The following MRPL21 variants were observed in gnomAD, a reference collection of about 807,000 sequenced individuals.
MRPL21 encodes the protein mitochondrial ribosomal protein L21.
In MRPL21, 20 loss-of-function variants were observed where a neutral mutation model predicts 27.3. That is an observed-to-expected ratio of 0.73 (90% CI 0.52 to 1.06). The LOEUF is 1.06. Ranked by LOEUF, MRPL21 falls within the 50% of genes least tolerant of loss-of-function variation. The pLI, the probability that MRPL21 is intolerant of heterozygous loss-of-function variation, is 0.00. For synonymous variants in MRPL21, 98 were observed against 101.5 expected, an observed-to-expected ratio of 0.97 and a Z score of 0.21; for missense variants, 249 against 251.4, an observed-to-expected ratio of 0.99 and a Z score of 0.06.
At chr11:68,901,827 C>T (rs1857942945) in intron 1 of MRPL21, among the ~76,000 whole-genome samples, 1 of 152,176 alleles carries the variant, frequency 6.6e-6, no homozygotes, top group African/African-American at 2.4e-5. Flanking sequence ...CACCTCACAC[C>T]TCCAGAGGCT....
At chr11:68,902,862 G>A (rs925868706) in intron 1 of MRPL21, among the ~76,000 whole-genome samples, 1 of 150,366 alleles carries the variant, frequency 6.7e-6, no homozygotes, top group African/African-American at 2.5e-5. Flanking sequence ...CCTTAGATTT[G>A]CCTTTTCCAG....
chr11:68,895,560 G>T lies in MRPL21; in HGVS notation c.396+955C>A, dbSNP rs545518651. On this transcript the variant is annotated intron_variant, in intron 4 of 6. Transcript: ENST00000362034. ...AGCTACTCGGGAGGCTGAGGCAGGA[G>T]AATCACTTGAACCCAGGAGGTGGGG... 2.6e-5 allele frequency among the ~76,000 whole-genome samples: 4 copies of T among 152,288 alleles called. No homozygotes were observed. In the South Asian group the frequency reaches 8.3e-4, roughly 32 times the overall value.
chr11:68,903,812 G>GCCGCCGCCATCTCC lies in MRPL21; in HGVS notation c.-3_-2insGGAGATGGCGGCGG. ...GACCGTCAGGGAAGATGCTGCCATG[G>GCCGCCGCCATCTCC]CCGCAGCCTCGGCCGGAAACGGAAA... On this transcript the variant is annotated 5_prime_UTR_variant, in exon 1 of 7. In the 5' UTR this introduces an upstream ATG that the reference lacks. Coordinates refer to ENST00000362034, the MANE Select transcript of MRPL21 (RefSeq NM_181514.2). 3 of 1,612,214 alleles carry GCCGCCGCCATCTCC rather than the reference G, an allele frequency of 1.9e-6. No homozygotes were observed. The highest frequency in any genetic ancestry group is 2.2e-5 in the South Asian group (2 of 91,050).
At chr11:68,902,576 C>T (rs900911462) in intron 1 of MRPL21, among the ~76,000 whole-genome samples, 19 of 152,286 alleles carry the variant, frequency 1.2e-4, no homozygotes, top group African/African-American at 4.6e-4. Context: ...TGTCCATGTG[C>T]CCACAGCTTC....
intron 2 of MRPL21, among the ~76,000 whole-genome samples, chr11:68,898,764 C>G (rs639083): frequency 0.027 from 4,166 of 152,268 alleles, 205 homozygotes; most frequent in African/African-American, 0.094. Context: ...CCTCCCCACC[C>G]TCAGGATGCC....
intron 4 of MRPL21, 62 bp downstream of exon 4, chr11:68,896,453 C>A: frequency 1.3e-6 from 2 of 1,581,556 alleles, no homozygotes; most frequent in Non-Finnish European, 8.7e-7. Flanking sequence ...TGAGCTGGGG[C>A]GTGGAGATTA....
chr11:68,896,310 G>A (rs533418070), intron 4 of MRPL21, among the ~76,000 whole-genome samples: 1 of 152,286 alleles, frequency 6.6e-6, no homozygotes, highest in South Asian at 2.1e-4. Context: ...GCCAGGCACC[G>A]CCCTCAGAGC....
chr11:68,891,970 G>T, intron 6 of MRPL21: 9 of 793,514 alleles, frequency 1.1e-5, no homozygotes, highest in Non-Finnish European at 1.6e-5. Context: ...TGCTAGGACA[G>T]CCCTACACCT....
At chr11:68,901,624 C>A (rs1461744505) in intron 1 of MRPL21, among the ~76,000 whole-genome samples, 1 of 152,198 alleles carries the variant, frequency 6.6e-6, no homozygotes, top group East Asian at 1.9e-4. Context: ...CCCATTTGGG[C>A]ATCCGGGGCT....
At chr11:68,899,580 C>T (rs931717321) in intron 2 of MRPL21, among the ~76,000 whole-genome samples, 3 of 152,176 alleles carry the variant, frequency 2.0e-5, no homozygotes, top group Admixed American at 6.5e-5. Context: ...ACGTCTTTGA[C>T]CTGTTTGATG....
chr11:68,903,627 C>G, intron 1 of MRPL21, 96 bp downstream of exon 1: 1 of 1,291,364 alleles, frequency 7.7e-7, no homozygotes, highest in South Asian at 1.2e-5. Flanking sequence ...GATCAACACA[C>G]AAGGCACCAG....
At chr11:68,900,030 G>GT (rs1166241264) in intron 2 of MRPL21, among the ~76,000 whole-genome samples, 1 of 152,208 alleles carries the variant, frequency 6.6e-6, no homozygotes, top group East Asian at 1.9e-4. Flanking sequence ...CACTGCTCCT[G>GT]TGTCTCCCAC....
At position 68,891,283 on chromosome 11, in the gene MRPL21, G is replaced by T; in HGVS notation, c.*48C>A. On this transcript the variant is annotated 3_prime_UTR_variant, in exon 7 of 7. Transcript: ENST00000362034. ...CAGAACACAGAAACCTGGTCTCCTT[G>T]GGAAGCAGGAGTTTATTTTTATCCT... is the stretch of plus-strand genomic sequence containing the variant. The T allele has an allele frequency of 6.3e-7, 1 of 1,575,330 alleles. No homozygotes were observed.
chr11:68,897,320 A>C (rs1329043304), intron 3 of MRPL21, among the ~76,000 whole-genome samples: 1 of 152,162 alleles, frequency 6.6e-6, no homozygotes, highest in African/African-American at 2.4e-5. Context: ...GGCGAGACAC[A>C]CAGAAGGGAC....
chr11:68,893,341 A>G (rs1450827546), intron 5 of MRPL21, 62 bp downstream of exon 5: 1 of 1,609,526 alleles, frequency 6.2e-7, no homozygotes, highest in Non-Finnish European at 8.5e-7. Context: ...TTGCACTGTG[A>G]CCACTGTCTG....
intron 1 of MRPL21, among the ~76,000 whole-genome samples, chr11:68,901,593 G>A (rs1020511779): frequency 4.6e-5 from 7 of 151,990 alleles, no homozygotes; most frequent in African/African-American, 9.7e-5. Flanking sequence ...GCATCTCCTC[G>A]GCTGCTTTCT....
chr11:68,892,674 G>C, intron 6 of MRPL21: 12 of 1,497,038 alleles, frequency 8.0e-6, no homozygotes, highest in Non-Finnish European at 1.1e-5. Context: ...GGGGAGCGAG[G>C]TGGGGTCACG....
Position 68,897,913 on chromosome 11 carries a change from C to T in MRPL21, c.232+14G>A. 1 of 1,610,436 alleles carries T rather than the reference C, an allele frequency of 6.2e-7. No homozygotes were observed. The highest frequency in any genetic ancestry group is 8.5e-7 in the Non-Finnish European group (1 of 1,176,742). ...GTGGTGCCCTCTAGCTTCTGTCTCCCAGGGAGGTCTTACCTGCATGGTGTC... is the reference window on the plus strand; with the variant it reads ...GTGGTGCCCTCTAGCTTCTGTCTCCTAGGGAGGTCTTACCTGCATGGTGTC... On this transcript the variant is annotated intron_variant, in intron 3 of 6. Transcript: ENST00000362034.
chr11:68,899,257 A>C (rs1278540045), intron 2 of MRPL21, among the ~76,000 whole-genome samples: 1 of 152,214 alleles, frequency 6.6e-6, no homozygotes, highest in Non-Finnish European at 1.5e-5. Context: ...CGAATTATTC[A>C]GAACCGTTTT....
Sources: allele counts gnomAD v4.1 joint callset (sites outside exome capture counted in the v4.1 genomes callset), GRCh38; gene constraint gnomAD v4.1.1; transcripts MANE v1.5; gene names NCBI Gene and HGNC (gene_info 2026-07-23, HGNC 2026-07-21).